The following CCDC73 variants were observed in gnomAD, a reference collection of about 807,000 sequenced individuals.
CCDC73 encodes the protein coiled-coil domain containing 73.
A neutral mutation model predicts 116.5 loss-of-function variants in CCDC73; 95 were observed. That is an observed-to-expected ratio of 0.82 (90% CI 0.69 to 0.97). The LOEUF (loss-of-function observed/expected upper bound fraction) is 0.97. Among genes scored for constraint, CCDC73 ranks in the 50% least tolerant of loss-of-function variants. The pLI is 0.00. For missense variants in CCDC73, 1,066 were observed against 1,206.8 expected (o/e 0.88, Z 1.73); for synonymous variants, 398 against 401.3 (o/e 0.99, Z 0.10).
At chr11:32,664,208 G>A (rs143954252) in intron 9 of CCDC73, among the ~76,000 whole-genome samples, 11,314 of 152,230 alleles carry the variant, frequency 0.074, 477 homozygotes, top group South Asian at 0.12. Context: ...ATGAGTTAGG[G>A]AGGATTCCCT....
At chr11:32,781,083 C>G (rs921839004) in intron 1 of CCDC73, among the ~76,000 whole-genome samples, 3 of 152,076 alleles carry the variant, frequency 2.0e-5, no homozygotes, top group Admixed American at 6.6e-5. Flanking sequence ...TGCAGTGAGC[C>G]AAGATCATGC....
At chr11:32,794,676 A>G (rs887435716), upstream of CCDC73, 2 of 152,276 alleles carry the variant, frequency 1.3e-5, no homozygotes, top group African/African-American at 4.8e-5. Context: ...GCCCTAGGGC[A>G]CTTCCGGCTT....
At chr11:32,798,071 T>C (rs1005647578), upstream of CCDC73, among the ~76,000 whole-genome samples, 1 of 152,230 alleles carries the variant, frequency 6.6e-6, no homozygotes, top group African/African-American at 2.4e-5. Context: ...ATAGGAAACA[T>C]AAATGAATTT....
chr11:32,752,804 G>A lies in CCDC73; in HGVS notation c.135+7305C>T, dbSNP rs1423048231. Among the ~76,000 whole-genome samples, 9 of 152,068 alleles carry A rather than the reference G, an allele frequency of 5.9e-5. No homozygotes were observed. In the South Asian group the frequency reaches 1.9e-3, roughly 32 times the overall value. On this transcript the variant is annotated intron_variant, in intron 2 of 17. Transcript: ENST00000335185. ...TTTGCATGTTGCAAATATTTTCTCTGCATCACTTTTTTTTTAAGAGACAAA... is the reference window on the plus strand; with the variant it reads ...TTTGCATGTTGCAAATATTTTCTCTACATCACTTTTTTTTTAAGAGACAAA...
intron 2 of CCDC73, among the ~76,000 whole-genome samples, chr11:32,734,425 C>CTTTTTTTTT (rs34093038): frequency 7.6e-6 from 1 of 131,364 alleles, no homozygotes; most frequent in Non-Finnish European, 1.6e-5. Flanking sequence ...ATTTTTTTTT[C>CTTTTTTTTT]TTTTTTTTTT....
At chr11:32,606,958 G>T (rs1439046879) in intron 17 of CCDC73, among the ~76,000 whole-genome samples, 1 of 151,196 alleles carries the variant, frequency 6.6e-6, no homozygotes, top group Non-Finnish European at 1.5e-5. Context: ...TGTATTTTTA[G>T]TAGAGACCTG....
chr11:32,758,110 CA>C (rs1850359345), intron 2 of CCDC73, among the ~76,000 whole-genome samples: 2 of 152,138 alleles, frequency 1.3e-5, no homozygotes, highest in Non-Finnish European at 2.9e-5. Context: ...AAAACAGTAA[CA>C]GTCTTTTTCT....
intron 3 of CCDC73, among the ~76,000 whole-genome samples, chr11:32,706,948 T>C (rs1478082799): frequency 3.3e-5 from 5 of 152,174 alleles, no homozygotes; most frequent in Admixed American, 3.3e-4. Flanking sequence ...AATCAGATCG[T>C]AGCTAATTTA....
intron 1 of CCDC73, among the ~76,000 whole-genome samples, chr11:32,783,094 C>T (rs1347179769): frequency 6.6e-6 from 1 of 151,618 alleles, no homozygotes; most frequent in African/African-American, 2.4e-5. Context: ...AGTGCCAGCA[C>T]CAAGACACAT....
At chr11:32,829,978 C>T in the CCDC73 span, 1 of 984,658 alleles carries the variant, frequency 1.0e-6, no homozygotes, top group Non-Finnish European at 1.2e-6. Flanking sequence ...CGCGCGTGTT[C>T]CCCGGGCGCC....
chr11:32,788,669 C>A (rs901660388), intron 1 of CCDC73, among the ~76,000 whole-genome samples: 1 of 151,994 alleles, frequency 6.6e-6, no homozygotes, highest in Non-Finnish European at 1.5e-5. Context: ...GGGATGGGGT[C>A]TCACTATGTT....
At chr11:32,627,635 C>T (rs1221843013) in intron 14 of CCDC73, among the ~76,000 whole-genome samples, 4 of 152,200 alleles carry the variant, frequency 2.6e-5, no homozygotes, top group Non-Finnish European at 5.9e-5. Flanking sequence ...GAATACTATG[C>T]AGCCATAAAA....
intron 6 of CCDC73, among the ~76,000 whole-genome samples, chr11:32,692,908 A>G (rs764348599): frequency 6.6e-6 from 1 of 152,254 alleles, no homozygotes; most frequent in Non-Finnish European, 1.5e-5. Context: ...CCCTCTAAGC[A>G]TACTGTTTTC....
At chr11:32,677,205 T>C (rs1856097110) in intron 7 of CCDC73, among the ~76,000 whole-genome samples, 1 of 152,318 alleles carries the variant, frequency 6.6e-6, no homozygotes, top group South Asian at 2.1e-4. Context: ...AGAGTTTTAA[T>C]AGTAAAAATT....
rs114358411 is a variant in CCDC73, at chr11:32,775,114, G to C, written c.-15-14856C>G. 7.2e-3 allele frequency among the ~76,000 whole-genome samples: 1,101 copies of C among 152,236 alleles called. 16 individuals carry two copies. The highest frequency in any genetic ancestry group is 0.026 in the African/African-American group (1,061 of 41,546). On this transcript the variant is annotated intron_variant, in intron 1 of 17. Coordinates refer to ENST00000335185, the MANE Select transcript of CCDC73 (RefSeq NM_001008391.4). Reference sequence around the variant, plus strand: ...AATTTACCAATAGAACTGTCTACCAGATGGTGCATCAAATGTAGATGATTT... The same window carrying C: ...AATTTACCAATAGAACTGTCTACCACATGGTGCATCAAATGTAGATGATTT...
At chr11:32,829,762 G>A in the CCDC73 span, 2 of 985,414 alleles carry the variant, frequency 2.0e-6, no homozygotes, top group Non-Finnish European at 2.4e-6. Flanking sequence ...ACTGGCGGCA[G>A]GCGGCTGGCC....
chr11:32,766,328 A>T (rs559052811), intron 1 of CCDC73, among the ~76,000 whole-genome samples: 49 of 152,336 alleles, frequency 3.2e-4, no homozygotes, highest in African/African-American at 1.0e-3. Context: ...AGAGCTATTT[A>T]TGACAAACCC....
intron 13 of CCDC73, among the ~76,000 whole-genome samples, chr11:32,636,819 C>T (rs550881878): frequency 2.0e-5 from 3 of 151,716 alleles, no homozygotes; most frequent in Non-Finnish European, 4.4e-5. Context: ...CAAGGCTAAA[C>T]TCTCCATGTG....
In CCDC73 at chr11:32,653,809, A is replaced by AT. The variant is rs575069609; in HGVS notation, c.834+168dup. Among the ~76,000 whole-genome samples the AT allele has an allele frequency of 1.4e-4, 22 of 152,274 alleles. 1 individual carries two copies. In the South Asian group the frequency reaches 3.7e-3, roughly 26 times the overall value. On this transcript the variant is annotated intron_variant, in intron 11 of 17. Transcript: ENST00000335185. The stretch of plus-strand genomic sequence containing the variant: ...AATCTATCAAGGAAAAAACTAAGGT[A>AT]TTTTTTAATGAAAGTATATTGAGAC...
Sources: allele counts gnomAD v4.1 joint callset (sites outside exome capture counted in the v4.1 genomes callset), GRCh38; gene constraint gnomAD v4.1.1; transcripts MANE v1.5; gene names NCBI Gene and HGNC (gene_info 2026-07-23, HGNC 2026-07-21).